Variants in SPAG16 observed in about 807,000 individuals in gnomAD.
SPAG16 encodes the protein sperm-associated antigen 16 protein.
In SPAG16, 86 loss-of-function variants were observed where a neutral mutation model predicts 80.4. The observed-to-expected ratio is 1.07, with a 90% CI of 0.90 to 1.28. The LOEUF is 1.28. SPAG16 is among the 50% of genes most tolerant of loss of function. SPAG16 has a pLI of 0.00. For missense variants in SPAG16, 870 were observed against 765.3 expected (o/e 1.14, Z -1.61); for synonymous variants, 294 against 265.9 (o/e 1.11, Z -1.03).
At chr2:213,378,693 T>C (rs927219223) in intron 9 of SPAG16, among the ~76,000 whole-genome samples, 1 of 152,258 alleles carries the variant, frequency 6.6e-6, no homozygotes, top group African/African-American at 2.4e-5. Context: ...TAGCTGGTAT[T>C]GATTACTACC....
intron 12 of SPAG16, among the ~76,000 whole-genome samples, chr2:214,013,287 C>A (rs1431381867): frequency 6.6e-6 from 1 of 150,954 alleles, no homozygotes; most frequent in African/African-American, 2.4e-5. Context: ...GAGATCCAAT[C>A]AGGGTAGTGA....
chr2:213,367,475 G>A (rs1201223333), intron 8 of SPAG16, among the ~76,000 whole-genome samples: 35 of 152,240 alleles, frequency 2.3e-4, no homozygotes, highest in African/African-American at 8.0e-4. Context: ...TTTAATGATC[G>A]CCATTCTAAC....
intron 10 of SPAG16, among the ~76,000 whole-genome samples, chr2:213,531,359 A>AGTGTGTGTGT (rs56011234): frequency 0.012 from 1,691 of 142,094 alleles, 22 homozygotes; most frequent in South Asian, 0.029. Context: ...AAAAGATGTG[A>AGTGTGTGTGT]GTGTGTGTGT....
At chr2:213,387,075 T>A (rs2067466394) in intron 9 of SPAG16, among the ~76,000 whole-genome samples, 1 of 152,134 alleles carries the variant, frequency 6.6e-6, no homozygotes, top group Admixed American at 6.6e-5. Flanking sequence ...CATACAGATT[T>A]GAATAGTTTT....
intron 10 of SPAG16, among the ~76,000 whole-genome samples, chr2:213,648,595 GAC>G (rs10538676): frequency 0.39 from 58,646 of 149,228 alleles, 11,601 homozygotes; most frequent in Middle Eastern, 0.49. Context: ...GGCACACACA[GAC>G]ACACACACAC....
At chr2:214,319,911 A>G (rs143780281) in intron 15 of SPAG16, among the ~76,000 whole-genome samples, 3 of 152,124 alleles carry the variant, frequency 2.0e-5, no homozygotes, top group Admixed American at 6.5e-5. Flanking sequence ...ATGCTTTTCA[A>G]ATAGCTGCCT....
intron 9 of SPAG16, among the ~76,000 whole-genome samples, chr2:213,406,764 A>G (rs1268105526): frequency 6.6e-6 from 1 of 152,070 alleles, no homozygotes; most frequent in Non-Finnish European, 1.5e-5. Flanking sequence ...TTGTGGCACC[A>G]AAACTTTATA....
chr2:213,703,457 C>G (rs1388976044), intron 10 of SPAG16, among the ~76,000 whole-genome samples: 1 of 152,130 alleles, frequency 6.6e-6, no homozygotes, highest in Non-Finnish European at 1.5e-5. Flanking sequence ...GAAACAAACC[C>G]AGGGCCTAGT....
intron 15 of SPAG16, among the ~76,000 whole-genome samples, chr2:214,200,923 A>C (rs2057991461): frequency 6.6e-6 from 1 of 152,200 alleles, no homozygotes; most frequent in Admixed American, 6.5e-5. Context: ...TAATTACCAC[A>C]CATGGGAAGA....
At chr2:213,338,168 A>G (rs1262392854) in intron 5 of SPAG16, among the ~76,000 whole-genome samples, 8 of 152,208 alleles carry the variant, frequency 5.3e-5, no homozygotes, top group Non-Finnish European at 1.0e-4. Flanking sequence ...GCAAATGCTG[A>G]GGGAATTCAT....
chr2:213,665,104 A>G (rs1439123314), intron 10 of SPAG16, among the ~76,000 whole-genome samples: 1 of 152,052 alleles, frequency 6.6e-6, no homozygotes, highest in Non-Finnish European at 1.5e-5. Context: ...GCTTCATAAA[A>G]GTTATTAGAA....
chr2:213,615,945 G>A (rs190273349), intron 10 of SPAG16, among the ~76,000 whole-genome samples: 106 of 152,252 alleles, frequency 7.0e-4, no homozygotes, highest in Middle Eastern at 3.4e-3. Flanking sequence ...TAATGTATGC[G>A]AGGCTTAAAA....
intron 11 of SPAG16, among the ~76,000 whole-genome samples, chr2:213,885,531 C>G (rs998773419): frequency 6.6e-6 from 1 of 152,124 alleles, no homozygotes; most frequent in East Asian, 1.9e-4. Context: ...AGTTGGTGTT[C>G]TTTTCCGTGA....
chr2:213,577,102 C>T (rs2060153228), intron 10 of SPAG16, among the ~76,000 whole-genome samples: 1 of 152,016 alleles, frequency 6.6e-6, no homozygotes, highest in Admixed American at 6.6e-5. Flanking sequence ...TCATTTTTCT[C>T]TTTCTGTCTC....
intron 12 of SPAG16, among the ~76,000 whole-genome samples, chr2:214,004,628 G>A (rs770580866): frequency 2.5e-4 from 38 of 152,116 alleles, no homozygotes; most frequent in South Asian, 4.2e-4. Flanking sequence ...AAAGGTGTCC[G>A]CGGCTTATCA....
intron 10 of SPAG16, among the ~76,000 whole-genome samples, chr2:213,725,679 T>C (rs753851592): frequency 7.9e-5 from 12 of 152,240 alleles, no homozygotes; most frequent in Non-Finnish European, 1.3e-4. Flanking sequence ...ATATTCCACC[T>C]AGATATGTCT....
intron 10 of SPAG16, among the ~76,000 whole-genome samples, chr2:213,637,374 T>C (rs1378485683): frequency 1.3e-5 from 2 of 152,210 alleles, no homozygotes; most frequent in Non-Finnish European, 2.9e-5. Context: ...GCATCTATGT[T>C]TATCAGGCAT....
intron 10 of SPAG16, among the ~76,000 whole-genome samples, chr2:213,651,801 T>G (rs1282868471): frequency 6.6e-6 from 1 of 152,216 alleles, no homozygotes; most frequent in Non-Finnish European, 1.5e-5. Flanking sequence ...GTGTATACAA[T>G]TGATTAATAT....
chr2:213,603,042 C>A (rs922576994), intron 10 of SPAG16, among the ~76,000 whole-genome samples: 1 of 152,194 alleles, frequency 6.6e-6, no homozygotes, highest in African/African-American at 2.4e-5. Flanking sequence ...CTTAAAACAG[C>A]AAAAATATAT....
Sources: gnomAD v4.1 joint callset for allele counts (sites outside exome capture counted in the v4.1 genomes callset) on GRCh38, gnomAD v4.1.1 for gene constraint, MANE v1.5 for transcripts, NCBI Gene and HGNC (gene_info 2026-07-23, HGNC 2026-07-21) for gene names.